Variants in TPST1 observed in about 807,000 individuals in gnomAD.
TPST1 encodes the protein tyrosylprotein sulfotransferase 1.
TPST1 carries 20 observed loss-of-function variants against 34.8 expected under a neutral mutation model. The ratio of observed to expected loss-of-function variants is 0.57; its 90% CI spans 0.40 to 0.84. TPST1 has a LOEUF of 0.84. Among genes scored for constraint, TPST1 ranks in the 40% least tolerant of loss-of-function variants. The pLI, the probability that TPST1 is intolerant of heterozygous loss-of-function variation, is 0.00. For missense variants in TPST1, 353 were observed against 455.5 expected, an observed-to-expected ratio of 0.78 and a Z score of 2.05; for synonymous variants, 152 against 159.4, an observed-to-expected ratio of 0.95 and a Z score of 0.35.
At chr7:66,202,141 GT>G (rs547932211), upstream of TPST1, among the ~76,000 whole-genome samples, 443 of 152,152 alleles carry the variant, frequency 2.9e-3, 2 homozygotes, top group African/African-American at 9.9e-3. Context: ...ATATTTTGGA[GT>G]TTTTTTTCCT....
At chr7:66,318,592 G>A (rs540729065) in intron 3 of TPST1, among the ~76,000 whole-genome samples, 3 of 151,916 alleles carry the variant, frequency 2.0e-5, no homozygotes, top group East Asian at 3.9e-4. Flanking sequence ...TCAGCCTCCC[G>A]AGTAGCTCCT....
At chr7:66,260,228 TAA>T (rs369987567) in intron 2 of TPST1, among the ~76,000 whole-genome samples, 4 of 152,332 alleles carry the variant, frequency 2.6e-5, no homozygotes, top group African/African-American at 9.6e-5. Context: ...GAATGGGATA[TAA>T]GTCTAAATAT....
In TPST1 at chr7:66,205,652, C is replaced by T. The variant is rs1019973438; in HGVS notation, c.-102+130C>T. 2 of 152,678 alleles carry T rather than the reference C, an allele frequency of 1.3e-5. No homozygotes were observed. Among genetic ancestry groups the T allele is most frequent in the Non-Finnish European group, 2.9e-5 (2 of 68,476 alleles). The allele number at this position is 152,678 out of a possible 1,614,324, so 9.5% of individuals were successfully genotyped here. ...TCGGTGCCTCCCGGTTGTCCAACCC[C>T]GCCCCCGAGCGCGGAGCCCCGGGTC... On this transcript the variant is annotated intron_variant, in intron 1 of 5. Transcript: ENST00000304842. The surrounding 1 kb of genome is among the most constrained non-coding windows in gnomAD (Gnocchi z 5.0).
At chr7:66,212,852 T>C (rs117084751) in intron 1 of TPST1, among the ~76,000 whole-genome samples, 3,490 of 152,316 alleles carry the variant, frequency 0.023, 65 homozygotes, top group Non-Finnish European at 0.031. Context: ...CTGTTTCTTT[T>C]TATAGGATTT....
chr7:66,254,436 C>T (rs1194046609), intron 2 of TPST1, among the ~76,000 whole-genome samples: 1 of 152,120 alleles, frequency 6.6e-6, no homozygotes, highest in Non-Finnish European at 1.5e-5. Flanking sequence ...TGGAGTCTCA[C>T]TGTGTTGCCC....
chr7:66,208,901 C>T (rs1789187403), intron 1 of TPST1, among the ~76,000 whole-genome samples: 1 of 152,164 alleles, frequency 6.6e-6, no homozygotes, highest in Non-Finnish European at 1.5e-5. Flanking sequence ...ACATAGTGCT[C>T]AGTAAACTAA....
At position 66,324,722 on chromosome 7, in the gene TPST1, T is replaced by A. The variant is rs1301518570; in HGVS notation, c.1045-27783T>A. ...GCTGAGGAAGGAGAATTGCTTGAAC[T>A]CGGGAGGCAGAGGTTTTGCAGTGAT... On this transcript the variant is annotated intron_variant, in intron 3 of 5. Coordinates refer to ENST00000304842, the MANE Select transcript of TPST1 (RefSeq NM_003596.4). Among the ~76,000 whole-genome samples, 4 of 147,674 alleles carry A rather than the reference T, an allele frequency of 2.7e-5. No homozygotes were observed. In the East Asian group the frequency reaches 8.4e-4, roughly 31 times the overall value.
At position 66,360,144 on chromosome 7, in the gene TPST1, A is replaced by C; in HGVS notation, c.*279A>C. On this transcript the variant is annotated 3_prime_UTR_variant, in exon 6 of 6. Coordinates refer to ENST00000304842, the MANE Select transcript of TPST1 (RefSeq NM_003596.4). ...CCAGAAGGAACATGTGTTTCCTGTT[A>C]AAACTCCTCTTGTTCTCTTTTCTTA... 3.1e-6 allele frequency: 1 copy of C among 327,568 alleles called. No homozygotes were observed. Among genetic ancestry groups the C allele is most frequent in the Non-Finnish European group, 6.1e-6 (1 of 164,060 alleles). 20.3% of individuals were successfully genotyped at this position (327,568 alleles called of 1,614,324 possible).
intron 2 of TPST1, among the ~76,000 whole-genome samples, chr7:66,262,726 G>T (rs535913309): frequency 6.6e-6 from 1 of 152,234 alleles, no homozygotes; most frequent in African/African-American, 2.4e-5. Context: ...TTTCCTTTGG[G>T]CATGATGGCA....
chr7:66,255,769 G>A lies in TPST1; in HGVS notation c.845+14499G>A, dbSNP rs186907191. On this transcript the variant is annotated intron_variant, in intron 2 of 5. Coordinates refer to ENST00000304842, the MANE Select transcript of TPST1 (RefSeq NM_003596.4). ...AGAGTTGAAAATTGTGGATGCCTTA[G>A]CACAAATCAAGGCTCTGGCACCAAA... 2.1e-4 allele frequency among the ~76,000 whole-genome samples: 32 copies of A among 152,056 alleles called. No homozygotes were observed. In the East Asian group the frequency reaches 5.8e-3, roughly 28 times the overall value.
intron 1 of TPST1, among the ~76,000 whole-genome samples, chr7:66,227,894 C>T (rs1453368163): frequency 6.6e-6 from 1 of 151,964 alleles, no homozygotes; most frequent in Non-Finnish European, 1.5e-5. Flanking sequence ...TTTGTAAATA[C>T]AAGAATAGTT....
chr7:66,298,672 C>A (rs1172188640), intron 3 of TPST1, among the ~76,000 whole-genome samples: 4 of 152,028 alleles, frequency 2.6e-5, no homozygotes, highest in African/African-American at 9.7e-5. Context: ...ATTTTTGTTT[C>A]TTTGTTTCTC....
intron 2 of TPST1, among the ~76,000 whole-genome samples, chr7:66,244,682 G>A (rs1381742238): frequency 3.9e-5 from 6 of 152,192 alleles, no homozygotes; most frequent in Non-Finnish European, 1.5e-5. Context: ...AGAGCGTACA[G>A]TTACTTCTGT....
chr7:66,271,486 T>G (rs1790704558), intron 2 of TPST1, among the ~76,000 whole-genome samples: 1 of 152,216 alleles, frequency 6.6e-6, no homozygotes, highest in Non-Finnish European at 1.5e-5. Flanking sequence ...TTGTTTATTT[T>G]ATATCAGTGC....
chr7:66,355,185 T>C (rs1335584831), intron 4 of TPST1, among the ~76,000 whole-genome samples: 1 of 151,944 alleles, frequency 6.6e-6, no homozygotes, highest in Non-Finnish European at 1.5e-5. Context: ...ACAAAGGACT[T>C]ATCTGGAGCC....
chr7:66,268,896 C>T (rs1790643381), intron 2 of TPST1, among the ~76,000 whole-genome samples: 1 of 152,106 alleles, frequency 6.6e-6, no homozygotes, highest in South Asian at 2.1e-4. Flanking sequence ...ACCATGTTGG[C>T]CAGGCTGAAC....
intron 1 of TPST1, among the ~76,000 whole-genome samples, chr7:66,239,653 A>G (rs1269691190): frequency 1.3e-5 from 2 of 152,234 alleles, no homozygotes; most frequent in African/African-American, 2.4e-5. Context: ...AGCAGAGATC[A>G]GCCTTGGGTT....
chr7:66,338,224 G>T (rs1792161938), intron 3 of TPST1, among the ~76,000 whole-genome samples: 1 of 151,904 alleles, frequency 6.6e-6, no homozygotes, highest in Admixed American at 6.6e-5. Context: ...AATCAAGATG[G>T]TTAAAAAAAA....
chr7:66,259,682 A>G (rs1257131663), intron 2 of TPST1, among the ~76,000 whole-genome samples: 3 of 151,758 alleles, frequency 2.0e-5, no homozygotes, highest in African/African-American at 4.8e-5. Flanking sequence ...TGACTTATCC[A>G]CACACATGCA....
Sources: allele counts gnomAD v4.1 joint callset (sites outside exome capture counted in the v4.1 genomes callset), GRCh38; gene constraint gnomAD v4.1.1; non-coding constraint Gnocchi (gnomAD v3.1); transcripts MANE v1.5; gene names NCBI Gene and HGNC (gene_info 2026-07-23, HGNC 2026-07-21).